The following CDH6 variants were observed in gnomAD, a reference collection of about 807,000 sequenced individuals.
CDH6 encodes cadherin 6, also known as cadherin-6.
Under a neutral mutation model 78.0 loss-of-function variants are expected in CDH6, and 31 were observed. The observed-to-expected ratio is 0.40, with a 90% CI of 0.30 to 0.54. The LOEUF is 0.54. Ranked by LOEUF, CDH6 falls within the 20% of genes least tolerant of loss-of-function variation. The pLI is 0.56. For missense variants in CDH6, 724 were observed against 975.9 expected, an observed-to-expected ratio of 0.74 and a Z score of 3.44; for synonymous variants, 376 against 368.8, an observed-to-expected ratio of 1.02 and a Z score of -0.23.
Position 31,323,354 on chromosome 5 carries a change from G to C in CDH6, c.*46G>C. On this transcript the variant is annotated 3_prime_UTR_variant, in exon 12 of 12. Coordinates refer to ENST00000265071, the MANE Select transcript of CDH6 (RefSeq NM_004932.4). ...CCAATACGACACTGAAATATGTGAA[G>C]TGGCTATTTCTTTATATTTATCCAC... 1 of 1,571,632 alleles carries C rather than the reference G, an allele frequency of 6.4e-7. No individual in the cohort carries two copies. The highest frequency in any genetic ancestry group is 8.7e-7 in the Non-Finnish European group (1 of 1,155,960).
intron 9 of CDH6, among the ~76,000 whole-genome samples, 164 bp from the exon 10 acceptor site, chr5:31,317,211 G>A (rs1168955315): frequency 6.6e-6 from 1 of 152,024 alleles, no homozygotes; most frequent in Non-Finnish European, 1.5e-5. Context: ...CCTGCCCTTT[G>A]GCTTTCTAAC....
chr5:31,237,728 C>A (rs1469091666), intron 1 of CDH6, among the ~76,000 whole-genome samples: 3 of 152,224 alleles, frequency 2.0e-5, no homozygotes, highest in African/African-American at 7.2e-5. Flanking sequence ...ATTCTTTTCA[C>A]ACCTTGTTAT....
intron 8 of CDH6, among the ~76,000 whole-genome samples, chr5:31,314,034 G>A (rs1325569450): frequency 6.6e-6 from 1 of 152,034 alleles, no homozygotes; most frequent in East Asian, 1.9e-4. Context: ...GAAATTGAAG[G>A]CAAAGAACAA....
intron 1 of CDH6, among the ~76,000 whole-genome samples, chr5:31,235,236 C>CTTTTTTTTTTTTTTTTTTTTTTT (rs543675071): frequency 3.6e-5 from 4 of 110,644 alleles, no homozygotes; most frequent in African/African-American, 1.0e-4. Context: ...ATTCCTTTTT[C>CTTTTTTTTTTTTTTTTTTTTTTT]TTTTTTTTTT....
intron 2 of CDH6, among the ~76,000 whole-genome samples, chr5:31,268,826 G>A (rs979367811): frequency 2.6e-5 from 4 of 152,102 alleles, no homozygotes; most frequent in East Asian, 1.9e-4. Flanking sequence ...ATTTACCACC[G>A]TAAATGAAGG....
chr5:31,255,281 G>A (rs969696953), intron 1 of CDH6, among the ~76,000 whole-genome samples: 1 of 152,184 alleles, frequency 6.6e-6, no homozygotes, highest in Non-Finnish European at 1.5e-5. Flanking sequence ...GCACTGTGAC[G>A]GTGCCGTCGT....
intron 2 of CDH6, among the ~76,000 whole-genome samples, chr5:31,270,633 A>G (rs1290924872): frequency 6.6e-6 from 1 of 152,210 alleles, no homozygotes; most frequent in East Asian, 1.9e-4. Context: ...GTAATTCGCA[A>G]GGGGTCTGCA....
chr5:31,263,866 C>T (rs1742275429), intron 1 of CDH6, among the ~76,000 whole-genome samples: 1 of 152,130 alleles, frequency 6.6e-6, no homozygotes, highest in Non-Finnish European at 1.5e-5. Flanking sequence ...ATTACCTGTA[C>T]CATTTTTACA....
chr5:31,293,830 T>TAAAAAA, intron 2 of CDH6, 132 bp from the exon 3 acceptor site: 3 of 448,518 alleles, frequency 6.7e-6, no homozygotes, highest in South Asian at 4.7e-5. Flanking sequence ...ACGTAAATAG[T>TAAAAAA]AAAAAAAAAA....
intron 7 of CDH6, among the ~76,000 whole-genome samples, chr5:31,310,180 G>A (rs963454302): frequency 7.9e-5 from 12 of 152,244 alleles, no homozygotes; most frequent in Non-Finnish European, 7.3e-5. Context: ...TGGGGTTACA[G>A]GTATTGGGTA....
At chr5:31,312,545 G>T (rs1447373603) in intron 7 of CDH6, among the ~76,000 whole-genome samples, 1 of 152,148 alleles carries the variant, frequency 6.6e-6, no homozygotes, top group Non-Finnish European at 1.5e-5. Flanking sequence ...CAAAAAATTA[G>T]CAGGGCATGG....
At chr5:31,302,542 A>C in intron 6 of CDH6, 1 of 327,158 alleles carries the variant, frequency 3.1e-6, no homozygotes, top group Non-Finnish European at 5.8e-6. Flanking sequence ...GGCAAAACCT[A>C]TCTCTGTTAA....
chr5:31,212,762 G>GCACA (rs72457836), intron 1 of CDH6, among the ~76,000 whole-genome samples: 56 of 148,174 alleles, frequency 3.8e-4, no homozygotes, highest in African/African-American at 1.2e-3. Flanking sequence ...ACATGAACGT[G>GCACA]CACACACACA....
In CDH6 at chr5:31,317,753, T is replaced by G. The variant is rs572010071; in HGVS notation, c.1711T>G (p.Ser571Ala). 1.2e-6 allele frequency: 2 copies of G among 1,614,190 alleles called. No individual in the cohort carries two copies. Among genetic ancestry groups the G allele is most frequent in the East Asian group, 2.2e-5 (1 of 44,872 alleles). Residue 571 changes from serine to alanine, a missense_variant, in exon 11 of 12, where the codon TCA becomes GCA. Ser to Ala is a moderately conservative substitution (Grantham distance 99, BLOSUM62 1). Transcript: ENST00000265071. ...CACCTATCTCTTGCCTGTGGTCATT[T>G]CAGACAACGACTACCCAGTTCAAAG... The part of the protein sequence containing the change: ...MSTYLLPVVI[S>A]DNDYPVQSST...
At chr5:31,277,691 T>C (rs1207822823) in intron 2 of CDH6, among the ~76,000 whole-genome samples, 1 of 152,164 alleles carries the variant, frequency 6.6e-6, no homozygotes. Context: ...ACTTACATCT[T>C]TGCAAACTCT....
In CDH6 at chr5:31,302,903, A is replaced by AAAG. The variant is rs1554010012; in HGVS notation, c.999+607_999+608insGAA. On this transcript the variant is annotated intron_variant, in intron 6 of 11. Coordinates refer to ENST00000265071, the MANE Select transcript of CDH6 (RefSeq NM_004932.4). The stretch of plus-strand genomic sequence containing the variant: ...GGAAGGAAGGAAAGAAAGAAAGAAA[A>AAAG]AAAGAAAGAAAGAAAGAAAGAAAGA... 5.2e-3 allele frequency among the ~76,000 whole-genome samples: 470 copies of AAAG among 90,428 alleles called. 2 individuals carry two copies. The highest frequency in any genetic ancestry group is 0.018 in the Middle Eastern group (3 of 168). 59.3% of individuals were successfully genotyped at this position (90,428 alleles called of 152,430 possible).
intron 1 of CDH6, among the ~76,000 whole-genome samples, chr5:31,235,208 T>C (rs547354102): frequency 6.6e-6 from 1 of 150,480 alleles, no homozygotes; most frequent in Non-Finnish European, 1.5e-5. Flanking sequence ...TATGATACCA[T>C]ATAATTTCAT....
intron 1 of CDH6, among the ~76,000 whole-genome samples, chr5:31,255,300 A>G (rs1742027209): frequency 6.6e-6 from 1 of 152,234 alleles, no homozygotes. Context: ...GTTAAATTAG[A>G]AATGGGGCGT....
intron 1 of CDH6, among the ~76,000 whole-genome samples, chr5:31,217,762 A>G (rs1290992712): frequency 1.3e-5 from 2 of 152,160 alleles, no homozygotes; most frequent in Non-Finnish European, 2.9e-5. Flanking sequence ...CTCTAGGAGT[A>G]AGAGAATAAA....
Sources: gnomAD v4.1 joint callset for allele counts (sites outside exome capture counted in the v4.1 genomes callset) on GRCh38, gnomAD v4.1.1 for gene constraint, MANE v1.5 for transcripts, NCBI Gene and HGNC (gene_info 2026-07-23, HGNC 2026-07-21) for gene names.